The following COL6A6 variants were observed in gnomAD, a reference collection of about 807,000 sequenced individuals.
COL6A6 encodes collagen alpha-6(VI) chain.
Under a neutral mutation model 208.6 loss-of-function variants are expected in COL6A6, and 183 were observed. The observed-to-expected ratio is 0.88, with a 90% CI of 0.78 to 0.99. The LOEUF is 0.99. Ranked by LOEUF, COL6A6 falls within the 50% of genes least tolerant of loss-of-function variation. The pLI is 0.00. For synonymous variants in COL6A6, 973 were observed against 1,011.8 expected (o/e 0.96, Z 0.73); for missense variants, 2,816 against 2,815.2 (o/e 1.00, Z -0.01).
chr3:130,601,473 A>G (rs1004331165), intron 20 of COL6A6, among the ~76,000 whole-genome samples: 1 of 152,214 alleles, frequency 6.6e-6, no homozygotes, highest in African/African-American at 2.4e-5. Context: ...TGCATTTGCT[A>G]TTCATTTCAC....
intron 26 of COL6A6, 33 bp from the exon 27 acceptor site, chr3:130,634,557 G>A: frequency 1.3e-6 from 2 of 1,582,030 alleles, no homozygotes; most frequent in South Asian, 2.3e-5. Flanking sequence ...GGTGATGTGT[G>A]CCTGTATAAA....
chr3:130,520,656 A>T (rs923018950), intron 1 of COL6A6, among the ~76,000 whole-genome samples: 1 of 152,226 alleles, frequency 6.6e-6, no homozygotes, highest in Non-Finnish European at 1.5e-5. Flanking sequence ...TATGCATCTC[A>T]TGTAAAGCTG....
At chr3:130,618,427 A>G (rs140451820) in intron 23 of COL6A6, among the ~76,000 whole-genome samples, 257 of 152,354 alleles carry the variant, frequency 1.7e-3, no homozygotes, top group Non-Finnish European at 2.8e-3. Context: ...CATTACATCA[A>G]AGCCAAAGAA....
intron 33 of COL6A6, among the ~76,000 whole-genome samples, chr3:130,656,266 T>C (rs537566816): frequency 3.7e-4 from 57 of 152,350 alleles, no homozygotes; most frequent in Admixed American, 9.1e-4. Context: ...GTTTTTGTCC[T>C]GCATCCTGGA....
rs554700555 is a variant in COL6A6 at position 130,550,266 on chromosome 3, C to T, written c.-31-10068C>T. On this transcript the variant is annotated intron_variant, in intron 1 of 36. Transcript: ENST00000358511. ...ATATTGTCTGCAAACAGGGAAAATTCAACTTCCTCTTATTTGAATGCTTTT... is the reference window on the plus strand; with the variant it reads ...ATATTGTCTGCAAACAGGGAAAATTTAACTTCCTCTTATTTGAATGCTTTT... 7.9e-5 allele frequency among the ~76,000 whole-genome samples: 12 copies of T among 152,260 alleles called. No individual in the cohort carries two copies. The South Asian group carries it at 1.5e-3, about 18-fold the overall frequency.
chr3:130,650,149 T>C (rs2065590313), intron 33 of COL6A6, among the ~76,000 whole-genome samples: 1 of 152,208 alleles, frequency 6.6e-6, no homozygotes, highest in Non-Finnish European at 1.5e-5. Flanking sequence ...TGACTGATGA[T>C]AACTTTAAAA....
At chr3:130,668,356 T>C (rs1181673266) in intron 36 of COL6A6, among the ~76,000 whole-genome samples, 2 of 152,044 alleles carry the variant, frequency 1.3e-5, no homozygotes, top group Non-Finnish European at 2.9e-5. Context: ...CGGGCATCTG[T>C]AATCCCAGCT....
At chr3:130,552,656 A>G (rs771366327) in intron 1 of COL6A6, among the ~76,000 whole-genome samples, 2 of 152,148 alleles carry the variant, frequency 1.3e-5, no homozygotes, top group Non-Finnish European at 2.9e-5. Flanking sequence ...CAAGATTAGT[A>G]TTCATATGTG....
chr3:130,578,585 T>C (rs1289907950), intron 8 of COL6A6, among the ~76,000 whole-genome samples: 1 of 152,146 alleles, frequency 6.6e-6, no homozygotes, highest in African/African-American at 2.4e-5. Context: ...AAAACCACCG[T>C]GTATACCAGC....
At chr3:130,673,010 CAAAA>C (rs57517362) in intron 36 of COL6A6, among the ~76,000 whole-genome samples, 3 of 96,338 alleles carry the variant, frequency 3.1e-5, no homozygotes, top group Admixed American at 1.2e-4. Flanking sequence ...GACACCATCT[CAAAA>C]AAAAAAAAAA....
chr3:130,598,558 A>C, intron 19 of COL6A6, 128 bp downstream of exon 19: 1 of 658,256 alleles, frequency 1.5e-6, no homozygotes. Flanking sequence ...AAAAACCATT[A>C]TTAGGAGCAA....
chr3:130,638,482 A>G (rs188230673), intron 28 of COL6A6, among the ~76,000 whole-genome samples: 9 of 152,292 alleles, frequency 5.9e-5, no homozygotes, highest in Non-Finnish European at 1.2e-4. Flanking sequence ...CCATACTGCA[A>G]TTGTCCTTCA....
At chr3:130,529,420 G>C (rs2062033455) in intron 1 of COL6A6, among the ~76,000 whole-genome samples, 1 of 152,064 alleles carries the variant, frequency 6.6e-6, no homozygotes, top group Non-Finnish European at 1.5e-5. Flanking sequence ...TTCATCCCTA[G>C]TATACAGATG....
Position 130,665,031 on chromosome 3 carries a change from C to G in COL6A6, c.6531C>G (p.Asn2177Lys). Reference protein sequence around the residue: ...RRAINKYPPINLKIKCNRLNS... With the variant: ...RRAINKYPPIKLKIKCNRLNS... Reference sequence around the variant, plus strand: ...CAATCAACAAATATCCACCAATAAACTTAAAAATAAAGTGCAACAGACTTA... The same window carrying G: ...CAATCAACAAATATCCACCAATAAAGTTAAAAATAAAGTGCAACAGACTTA... The change falls in exon 36 of 37, where the codon AAC becomes AAG. Residue 2177 changes from asparagine (N) to lysine (K), a missense_variant. Physicochemically the swap from Asn to Lys is moderately conservative, Grantham distance 94 (BLOSUM62 0). Transcript: ENST00000358511. 1 of 1,607,872 alleles carries G rather than the reference C, an allele frequency of 6.2e-7. No individual in the cohort carries two copies.
At position 130,593,059 on chromosome 3, in the gene COL6A6, A is replaced by G; in HGVS notation, c.4372-2A>G. The G allele has an allele frequency of 1.2e-6, 2 of 1,612,992 alleles. No homozygotes were observed. The highest frequency in any genetic ancestry group is 2.7e-5 in the African/African-American group (2 of 75,032). ...CTGTTCTAATCATATCTATCTTTTC[A>G]GGGAGAAGTTGGGGAAAATGGAATT... On this transcript the variant is annotated splice_acceptor_variant, in intron 15 of 36. Transcript: ENST00000358511. LOFTEE classifies it high-confidence loss of function.
intron 1 of COL6A6, among the ~76,000 whole-genome samples, chr3:130,537,028 AATT>A (rs368419298): frequency 2.0e-5 from 3 of 152,326 alleles, no homozygotes; most frequent in Non-Finnish European, 4.4e-5. Flanking sequence ...GAGATGAGTT[AATT>A]ATTCCTATGT....
At chr3:130,559,592 T>A (rs568046789) in intron 1 of COL6A6, among the ~76,000 whole-genome samples, 1 of 152,330 alleles carries the variant, frequency 6.6e-6, no homozygotes, top group Non-Finnish European at 1.5e-5. Flanking sequence ...AATTAATAAA[T>A]GAGCAAAAAA....
intron 11 of COL6A6, 104 bp downstream of exon 11, chr3:130,586,764 G>A: frequency 8.8e-7 from 1 of 1,141,004 alleles, no homozygotes; most frequent in Non-Finnish European, 1.2e-6. Context: ...TTATTTGGGA[G>A]TGAAGAAAGG....
Position 130,592,632 on chromosome 3 carries a change from G to A in COL6A6, c.4344+20G>A. The A allele has an allele frequency of 1.2e-6, 2 of 1,612,926 alleles. No homozygotes were observed. Among genetic ancestry groups the A allele is most frequent in the African/African-American group, 1.3e-5 (1 of 74,998 alleles). ...CCTAAGGTAAGGATTGCATAAGAGTGTGGAGTTTTCTCAATATTAATTACA... is the reference window on the plus strand; with the variant it reads ...CCTAAGGTAAGGATTGCATAAGAGTATGGAGTTTTCTCAATATTAATTACA... On this transcript the variant is annotated intron_variant, in intron 14 of 36. Transcript: ENST00000358511.
Sources: gnomAD v4.1 joint callset for allele counts (sites outside exome capture counted in the v4.1 genomes callset) on GRCh38, gnomAD v4.1.1 for gene constraint, MANE v1.5 for transcripts, NCBI Gene and HGNC (gene_info 2026-07-23, HGNC 2026-07-21) for gene names.